Variants in TNRC6B observed in about 807,000 individuals in gnomAD.
The protein encoded by TNRC6B is trinucleotide repeat-containing gene 6B protein.
TNRC6B carries 52 observed loss-of-function variants against 203.6 expected under a neutral mutation model. The ratio of observed to expected loss-of-function variants is 0.26; its 90% CI spans 0.20 to 0.32. TNRC6B has a LOEUF of 0.32. Among genes scored for constraint, TNRC6B ranks in the 10% least tolerant of loss-of-function variants. TNRC6B has a pLI of 1.00. For missense variants in TNRC6B, 1,923 were observed against 2,286.2 expected, an observed-to-expected ratio of 0.84 and a Z score of 3.24; for synonymous variants, 838 against 845.7, an observed-to-expected ratio of 0.99 and a Z score of 0.16.
chr22:40,241,256 A>G (rs1336541455), intron 1 of TNRC6B, among the ~76,000 whole-genome samples: 1 of 152,200 alleles, frequency 6.6e-6, no homozygotes, highest in Non-Finnish European at 1.5e-5. Flanking sequence ...CCCTTTCACC[A>G]ATACTATAGT....
chr22:40,047,046 T>C (rs2067695276), intron 1 of TNRC6B, among the ~76,000 whole-genome samples: 1 of 152,172 alleles, frequency 6.6e-6, no homozygotes, highest in Non-Finnish European at 1.5e-5. Flanking sequence ...CCTTTTGACA[T>C]CTTTTCCCCT....
chr22:40,060,622 A>G (rs571213196), intron 1 of TNRC6B, among the ~76,000 whole-genome samples: 1 of 152,216 alleles, frequency 6.6e-6, no homozygotes, highest in Non-Finnish European at 1.5e-5. Flanking sequence ...AGGGCCCAGC[A>G]TATAGTCATA....
At chr22:40,165,398 ACTC>A (rs1230799844) in intron 4 of TNRC6B, among the ~76,000 whole-genome samples, 1 of 151,472 alleles carries the variant, frequency 6.6e-6, no homozygotes, top group Non-Finnish European at 1.5e-5. Flanking sequence ...CTGGTTTTGA[ACTC>A]CTGGACTCAA....
Position 40,321,076 on chromosome 22 carries a change from T to C in TNRC6B, c.4975-14T>C. 1.2e-6 allele frequency: 2 copies of C among 1,613,726 alleles called. No homozygotes were observed. ...ACCTCCAGTCTTTATCTCATGAATG[T>C]CATTACTCCTTAGATTGATGGGTCA... is the stretch of plus-strand genomic sequence containing the variant. On this transcript the variant is annotated splice_polypyrimidine_tract_variant and intron_variant, in intron 21 of 22. Transcript: ENST00000454349.
Position 40,281,258 on chromosome 22 carries a change from G to T in TNRC6B, c.3551G>T (p.Gly1184Val). The stretch of plus-strand genomic sequence containing the variant: ...GTCAGCCTTGGAGCAATCGGCACAG[G>T]GCTCAACCCCCAAAACTTCGCTGCT... ...PNVSLGAIGTGLNPQNFAARQ... is the reference protein window; with the variant it reads ...PNVSLGAIGTVLNPQNFAARQ... The change falls in exon 11 of 23, where the codon GGG becomes GTG. Residue 1184 changes from glycine (G) to valine (V), a missense_variant. Gly to Val is a moderately radical substitution (Grantham distance 109, BLOSUM62 -3). Transcript: ENST00000454349. 5 of 1,547,780 alleles carry T rather than the reference G, an allele frequency of 3.2e-6. No individual in the cohort carries two copies. Among genetic ancestry groups the T allele is most frequent in the Non-Finnish European group, 4.4e-6 (5 of 1,145,346 alleles).
intron 3 of TNRC6B, among the ~76,000 whole-genome samples, chr22:40,134,570 T>TG (rs1383163693): frequency 6.6e-6 from 1 of 152,120 alleles, no homozygotes; most frequent in Non-Finnish European, 1.5e-5. Flanking sequence ...TGTATCGGGT[T>TG]GGGGGGCTAC....
intron 3 of TNRC6B, among the ~76,000 whole-genome samples, chr22:40,149,212 C>T (rs1183648855): frequency 6.6e-6 from 1 of 152,184 alleles, no homozygotes; most frequent in Non-Finnish European, 1.5e-5. Context: ...CTTGAAACCA[C>T]ATGGATGAAT....
intron 17 of TNRC6B, 56 bp downstream of exon 17, chr22:40,311,049 TC>T: frequency 1.3e-6 from 2 of 1,533,320 alleles, no homozygotes; most frequent in Non-Finnish European, 1.8e-6. Flanking sequence ...ATTGTCAGTT[TC>T]AGGTTCAGAA....
At chr22:40,152,216 A>T (rs1474999049) in intron 3 of TNRC6B, among the ~76,000 whole-genome samples, 1 of 152,244 alleles carries the variant, frequency 6.6e-6, no homozygotes, top group East Asian at 1.9e-4. Flanking sequence ...GCAATACACT[A>T]GGACTTAGAA....
chr22:40,101,157 T>A (rs2068237572), intron 1 of TNRC6B, among the ~76,000 whole-genome samples: 1 of 152,090 alleles, frequency 6.6e-6, no homozygotes, highest in Non-Finnish European at 1.5e-5. Context: ...CATGCCCAGC[T>A]AATTTTTTGT....
chr22:40,258,900 ATGTCT>A (rs2070328363), intron 3 of TNRC6B, among the ~76,000 whole-genome samples: 1 of 152,156 alleles, frequency 6.6e-6, no homozygotes, highest in Non-Finnish European at 1.5e-5. Context: ...TCACTCTGTC[ATGTCT>A]TGTTGTTTTT....
Position 40,329,522 on chromosome 22 carries a change from A to AGTAATAACAATAAAAATTCAACATC in TNRC6B, c.*6283_*6307dup. ...ATCAGCTCCAAGAATCTGTGAACAT[A>AGTAATAACAATAAAAATTCAACATC]GTAATAACAATAAAAATTCAACATC... On this transcript the variant is annotated 3_prime_UTR_variant, in exon 23 of 23. Transcript: ENST00000454349. 2.6e-5 allele frequency: 4 copies of AGTAATAACAATAAAAATTCAACATC among 152,264 alleles called. No individual in the cohort carries two copies. In the Middle Eastern group the frequency reaches 0.014, roughly 518 times the overall value. The allele number at this position is 152,264 out of a possible 1,614,324, so 9.4% of individuals were successfully genotyped here.
intron 6 of TNRC6B, 33 bp downstream of exon 6, chr22:40,270,313 CTTTTTT>C: frequency 5.7e-6 from 7 of 1,218,172 alleles, no homozygotes; most frequent in Non-Finnish European, 5.2e-6. Context: ...TTGAGGGATC[CTTTTTT>C]TTTTTTTTTT....
At position 40,258,880 on chromosome 22, in the gene TNRC6B, G is replaced by A. The variant is rs147112800; in HGVS notation, c.116-2952G>A. Among the ~76,000 whole-genome samples, 241 of 152,318 alleles carry A rather than the reference G, an allele frequency of 1.6e-3. 1 individual carries two copies. The highest frequency in any genetic ancestry group is 2.3e-3 in the Non-Finnish European group (156 of 68,018). On this transcript the variant is annotated intron_variant, in intron 3 of 22. Coordinates refer to ENST00000454349, the MANE Select transcript of TNRC6B (RefSeq NM_001162501.2). The stretch of plus-strand genomic sequence containing the variant: ...GAGTCAAACTGGTGTTCAGCCCTCA[G>A]TCCTGCAGGTCACTCTGTCATGTCT...
intron 3 of TNRC6B, among the ~76,000 whole-genome samples, chr22:40,253,896 A>G (rs1023150068): frequency 3.3e-5 from 5 of 152,158 alleles, no homozygotes; most frequent in Admixed American, 3.3e-4. Context: ...TCCTCAGGCA[A>G]TCTGCCCTTC....
intron 1 of TNRC6B, among the ~76,000 whole-genome samples, chr22:40,218,925 A>G (rs1270565452): frequency 1.3e-5 from 2 of 152,252 alleles, no homozygotes; most frequent in Non-Finnish European, 2.9e-5. Flanking sequence ...GTCATTGGCA[A>G]CAGTGGGACA....
chr22:40,090,872 G>A (rs57299399), intron 1 of TNRC6B, among the ~76,000 whole-genome samples: 6,712 of 152,200 alleles, frequency 0.044, 437 homozygotes, highest in African/African-American at 0.14. Context: ...GCTACACCAC[G>A]TAACAAGGAA....
intron 1 of TNRC6B, among the ~76,000 whole-genome samples, chr22:40,052,647 C>G (rs558112136): frequency 1.3e-5 from 2 of 152,020 alleles, no homozygotes; most frequent in Admixed American, 1.3e-4. Flanking sequence ...TGAGGTCTCA[C>G]TATGTTGCCC....
intron 1 of TNRC6B, among the ~76,000 whole-genome samples, chr22:40,092,837 T>C (rs2068160650): frequency 6.6e-6 from 1 of 152,210 alleles, no homozygotes; most frequent in Non-Finnish European, 1.5e-5. Flanking sequence ...ACTGTAAGTG[T>C]AATGTAAATG....
Sources: allele counts gnomAD v4.1 joint callset (sites outside exome capture counted in the v4.1 genomes callset), GRCh38; gene constraint gnomAD v4.1.1; transcripts MANE v1.5; gene names NCBI Gene and HGNC (gene_info 2026-07-23, HGNC 2026-07-21).